Variants in SLC1A6 observed in about 807,000 individuals in gnomAD.
SLC1A6 encodes the protein solute carrier family 1 member 6.
In SLC1A6, 15 loss-of-function variants were observed where a neutral mutation model predicts 42.1. The ratio of observed to expected loss-of-function variants is 0.36; its 90% CI spans 0.24 to 0.55. The LOEUF is 0.55. Ranked by LOEUF, SLC1A6 falls within the 20% of genes least tolerant of loss-of-function variation. SLC1A6 has a pLI of 0.88. For synonymous variants in SLC1A6, 317 were observed against 319.7 expected, an observed-to-expected ratio of 0.99 and a Z score of 0.09; for missense variants, 542 against 772.5, an observed-to-expected ratio of 0.70 and a Z score of 3.54.
chr19:14,955,342 G>A (rs892953471), intron 7 of SLC1A6, among the ~76,000 whole-genome samples: 3 of 152,110 alleles, frequency 2.0e-5, no homozygotes, highest in Admixed American at 1.3e-4. Flanking sequence ...CACTTTGGGA[G>A]AGCGAGACGG....
rs185480286 is a variant in SLC1A6 at position 14,972,087 on chromosome 19, C to T, written c.206-213G>A. ...TATTGATATTGTGTAAATGTGTGTCCGTGTCTGTGCAAATGTAAATGTGTA... is the reference window on the plus strand; with the variant it reads ...TATTGATATTGTGTAAATGTGTGTCTGTGTCTGTGCAAATGTAAATGTGTA... On this transcript the variant is annotated intron_variant, in intron 2 of 9. Transcript: ENST00000594383. Among the ~76,000 whole-genome samples the T allele has an allele frequency of 4.8e-3, 690 of 144,854 alleles. 11 individuals carry two copies. The highest frequency in any genetic ancestry group is 2.1e-3 in the Non-Finnish European group (146 of 67,970).
At chr19:14,971,358 C>T (rs1017949953) in intron 3 of SLC1A6, among the ~76,000 whole-genome samples, 2 of 152,108 alleles carry the variant, frequency 1.3e-5, no homozygotes, top group African/African-American at 2.4e-5. Flanking sequence ...ACCTCCATCT[C>T]ACTCACCTTC....
At chr19:14,958,265 G>A (rs1377235370) in intron 6 of SLC1A6, among the ~76,000 whole-genome samples, 1 of 151,946 alleles carries the variant, frequency 6.6e-6, no homozygotes, top group Non-Finnish European at 1.5e-5. Flanking sequence ...AAAAAAATTA[G>A]TCAGGTGTGG....
chr19:15,005,039 G>T (rs1304491974), intron 1 of SLC1A6, among the ~76,000 whole-genome samples: 1 of 152,154 alleles, frequency 6.6e-6, no homozygotes, highest in Non-Finnish European at 1.5e-5. Flanking sequence ...CGGGAGGATT[G>T]TTTGAGTCCA....
chr19:14,973,804 A>C (rs2045672536), intron 1 of SLC1A6: 1 of 152,356 alleles, frequency 6.6e-6, no homozygotes, highest in Admixed American at 6.5e-5. Context: ...GGACAAAATC[A>C]GCAGGTGCCT....
upstream of SLC1A6, among the ~76,000 whole-genome samples, chr19:14,982,161 G>A (rs537465107): frequency 6.6e-5 from 10 of 152,164 alleles, no homozygotes; most frequent in Non-Finnish European, 8.8e-5. Context: ...CGTAATGTGA[G>A]ATCCTAGAAA....
chr19:14,968,485 C>A lies in SLC1A6; in HGVS notation c.366G>T (p.Lys122Asn). The A allele has an allele frequency of 6.2e-7, 1 of 1,611,872 alleles. No homozygotes were observed. The highest frequency in any genetic ancestry group is 8.5e-7 in the Non-Finnish European group (1 of 1,178,802). The change falls in exon 4 of 10, where the codon AAG becomes AAT. Residue 122 changes from lysine (K) to asparagine (N), a missense_variant. Coordinates refer to ENST00000594383, the MANE Select transcript of SLC1A6 (RefSeq NM_005071.3). ...LVTGMASLDN[K>N]ATGRMGMRAA... ...CCCGCATCCCCATCCGCCCCGTGGC[C>A]TTGTTGTCCAGGGATGCCATACCTG...
intron 3 of SLC1A6, 104 bp downstream of exon 3, chr19:14,971,633 C>G: frequency 8.8e-7 from 1 of 1,129,988 alleles, no homozygotes; most frequent in Middle Eastern, 3.0e-4. Context: ...GTTTGAGGTG[C>G]CGCGTCAAGG....
At position 14,950,110 on chromosome 19, in the gene SLC1A6, G is replaced by T; in HGVS notation, c.*85C>A. Reference sequence around the variant, plus strand: ...CAAGCAGAACGTGTGTTCAGCCCACGGTCAGTTGGGCAACAGATGTGTCAC... The same window carrying T: ...CAAGCAGAACGTGTGTTCAGCCCACTGTCAGTTGGGCAACAGATGTGTCAC... On this transcript the variant is annotated 3_prime_UTR_variant, in exon 10 of 10. Coordinates refer to ENST00000594383, the MANE Select transcript of SLC1A6 (RefSeq NM_005071.3). 1.0e-6 allele frequency: 1 copy of T among 980,352 alleles called. No homozygotes were observed. The highest frequency in any genetic ancestry group is 1.4e-6 in the Non-Finnish European group (1 of 695,558). 60.7% of individuals were successfully genotyped at this position (980,352 alleles called of 1,614,324 possible).
At chr19:15,002,540 G>A (rs546527590) in intron 1 of SLC1A6, among the ~76,000 whole-genome samples, 232 of 152,272 alleles carry the variant, frequency 1.5e-3, no homozygotes, top group Middle Eastern at 6.8e-3. Context: ...TATCATGTTT[G>A]CCATAGGCTG....
chr19:14,998,484 C>T (rs8100708), intron 1 of SLC1A6, among the ~76,000 whole-genome samples: 14,835 of 152,006 alleles, frequency 0.098, 886 homozygotes, highest in East Asian at 0.2. Context: ...GAGGTTGCAG[C>T]GAGCCAAGAT....
chr19:14,969,135 T>C (rs2045608687), intron 3 of SLC1A6, among the ~76,000 whole-genome samples: 1 of 152,158 alleles, frequency 6.6e-6, no homozygotes, highest in South Asian at 2.1e-4. Flanking sequence ...CCACTGCGCC[T>C]GGCCCATAAC....
chr19:14,974,903 G>A (rs1005498800), intron 1 of SLC1A6: 31 of 151,826 alleles, frequency 2.0e-4, no homozygotes, highest in African/African-American at 7.2e-4. Flanking sequence ...CCAGGCAGGA[G>A]TGCAGCTCAC....
At chr19:15,006,576 C>T (rs1470656888) in intron 1 of SLC1A6, among the ~76,000 whole-genome samples, 1 of 151,376 alleles carries the variant, frequency 6.6e-6, no homozygotes, top group Non-Finnish European at 1.5e-5. Context: ...CCCTTGATTA[C>T]AAACCCAGGG....
At chr19:14,951,813 C>T (rs1464689179) in intron 9 of SLC1A6, among the ~76,000 whole-genome samples, 2 of 151,684 alleles carry the variant, frequency 1.3e-5, no homozygotes, top group African/African-American at 4.8e-5. Flanking sequence ...CCACCACACC[C>T]GGCCTGTTTT....
intron 1 of SLC1A6, among the ~76,000 whole-genome samples, chr19:14,991,264 G>A (rs141231154): frequency 1.1e-4 from 17 of 152,174 alleles, no homozygotes; most frequent in Admixed American, 4.6e-4. Flanking sequence ...TCCTTTTGGG[G>A]CGATTGAAAT....
chr19:15,002,271 G>T (rs1368806267), intron 1 of SLC1A6, among the ~76,000 whole-genome samples: 2 of 151,804 alleles, frequency 1.3e-5, no homozygotes, highest in East Asian at 1.9e-4. Flanking sequence ...TGTTTTGTTT[G>T]GTTTGGTTTG....
At chr19:14,961,135 G>C (rs1259314138) in intron 6 of SLC1A6, among the ~76,000 whole-genome samples, 2 of 151,438 alleles carry the variant, frequency 1.3e-5, no homozygotes, top group African/African-American at 4.9e-5. Context: ...TCAAATTCCT[G>C]GGCTCAAGTG....
intron 6 of SLC1A6, among the ~76,000 whole-genome samples, chr19:14,960,608 C>T (rs2045501082): frequency 6.6e-6 from 1 of 152,226 alleles, no homozygotes; most frequent in Admixed American, 6.5e-5. Flanking sequence ...GAATAAATCC[C>T]TGTCACTTGT....
Sources: allele counts gnomAD v4.1 joint callset (sites outside exome capture counted in the v4.1 genomes callset), GRCh38; gene constraint gnomAD v4.1.1; transcripts MANE v1.5; gene names NCBI Gene and HGNC (gene_info 2026-07-23, HGNC 2026-07-21).